The following CBLB variants were observed in gnomAD, a reference collection of about 807,000 sequenced individuals.
CBLB encodes Cbl proto-oncogene B.
A neutral mutation model predicts 104.9 loss-of-function variants in CBLB; 31 were observed. The ratio of observed to expected loss-of-function variants is 0.30; its 90% CI spans 0.22 to 0.40. The LOEUF (loss-of-function observed/expected upper bound fraction) is 0.40. Ranked by LOEUF, CBLB falls within the 10% of genes least tolerant of loss-of-function variation. The probability of loss-of-function intolerance (pLI) is 1.00; values close to 1 mark genes in which losing one functional copy is unlikely to be tolerated. For missense variants in CBLB, 1,062 were observed against 1,214.6 expected (o/e 0.87, Z 1.87); for synonymous variants, 440 against 422.6 (o/e 1.04, Z -0.51).
chr3:105,862,923 T>C (rs2092211649), intron 2 of CBLB, among the ~76,000 whole-genome samples: 1 of 152,178 alleles, frequency 6.6e-6, no homozygotes, highest in Admixed American at 6.6e-5. Context: ...TACCACGTAC[T>C]ACATCTCAGC....
At chr3:105,702,042 T>C in intron 12 of CBLB, 52 bp downstream of exon 12, 1 of 1,607,290 alleles carries the variant, frequency 6.2e-7, no homozygotes, top group South Asian at 1.1e-5. Flanking sequence ...CTACTGACCA[T>C]CAGAAGCATT....
chr3:105,733,306 G>A (rs1429829474), intron 9 of CBLB, among the ~76,000 whole-genome samples: 4 of 150,772 alleles, frequency 2.7e-5, no homozygotes, highest in South Asian at 2.1e-4. Flanking sequence ...GCTGTGTGCC[G>A]AGATCGTGCC....
At chr3:105,665,416 A>AATATATATATATATATAT (rs71111381) in intron 18 of CBLB, among the ~76,000 whole-genome samples, 3 of 98,644 alleles carry the variant, frequency 3.0e-5, no homozygotes, top group South Asian at 3.6e-4. Flanking sequence ...TAAATAAATA[A>AATATATATATATATATAT]ATATATATAT....
chr3:105,705,694 C>A (rs1010571880), intron 10 of CBLB, among the ~76,000 whole-genome samples: 1 of 152,190 alleles, frequency 6.6e-6, no homozygotes, highest in African/African-American at 2.4e-5. Flanking sequence ...CCTTAATTAC[C>A]TGACCGTGGT....
At chr3:105,785,104 G>C (rs2080816335) in intron 3 of CBLB, among the ~76,000 whole-genome samples, 1 of 152,198 alleles carries the variant, frequency 6.6e-6, no homozygotes, top group Non-Finnish European at 1.5e-5. Flanking sequence ...TAGATATTGT[G>C]TTTCAGCTCT....
In CBLB at chr3:105,702,249, T is replaced by C; in HGVS notation, c.1804A>G (p.Asn602Asp). 1 of 1,614,072 alleles carries C rather than the reference T, an allele frequency of 6.2e-7. No homozygotes were observed. Among genetic ancestry groups the C allele is most frequent in the Non-Finnish European group, 8.5e-7 (1 of 1,179,994 alleles). ...AGGAGTCGACATCCCACAAGCTGAT[T>C]AGTCCCAAACACATCCCGAGGGCAC... ...AWCPRDVFGTNQLVGCRLLGE... is the reference protein window; with the variant it reads ...AWCPRDVFGTDQLVGCRLLGE... Residue 602 changes from asparagine (N) to aspartate (D), a missense_variant, in exon 12 of 19, where the codon AAT becomes GAT. Coordinates refer to ENST00000394030, the MANE Select transcript of CBLB (RefSeq NM_170662.5).
intron 7 of CBLB, among the ~76,000 whole-genome samples, chr3:105,739,533 C>T (rs541368068): frequency 2.0e-5 from 3 of 152,252 alleles, no homozygotes; most frequent in African/African-American, 7.2e-5. Flanking sequence ...GACATATTTA[C>T]TATGAAGGGG....
chr3:105,720,431 A>T (rs2072635648), intron 9 of CBLB, among the ~76,000 whole-genome samples, 181 bp from the exon 10 acceptor site: 1 of 152,180 alleles, frequency 6.6e-6, no homozygotes, highest in Admixed American at 6.5e-5. Flanking sequence ...AAAATGTATA[A>T]TAAATGGTCA....
chr3:105,860,114 G>A (rs1290612881), intron 2 of CBLB, among the ~76,000 whole-genome samples: 3 of 152,156 alleles, frequency 2.0e-5, no homozygotes, highest in Non-Finnish European at 4.4e-5. Context: ...TTCCAAATGA[G>A]AATGGAACTT....
intron 3 of CBLB, among the ~76,000 whole-genome samples, chr3:105,778,413 T>C (rs1560198890): frequency 6.6e-6 from 1 of 152,164 alleles, no homozygotes; most frequent in Non-Finnish European, 1.5e-5. Context: ...TGACACTCTT[T>C]CTAATTTACA....
intron 9 of CBLB, among the ~76,000 whole-genome samples, chr3:105,728,892 C>T (rs1376096504): frequency 6.6e-6 from 1 of 152,140 alleles, no homozygotes; most frequent in Admixed American, 6.5e-5. Flanking sequence ...ACTACTGACA[C>T]AGCTACTGCG....
In CBLB at chr3:105,740,621, G is replaced by A. The variant is rs1395911037; in HGVS notation, c.856C>T (p.Arg286Trp). 6 of 1,613,152 alleles carry A rather than the reference G, an allele frequency of 3.7e-6. No homozygotes were observed. Among genetic ancestry groups the A allele is most frequent in the Non-Finnish European group, 5.1e-6 (6 of 1,179,432 alleles). ...YSTKPGSYIF[R>W]LSCTRLGQWA... Reference sequence around the variant, plus strand: ...TGTCCCAATCGAGTGCAACTTAACCGGAAAATATAGCTGCAAAACATAAGA... The same window carrying A: ...TGTCCCAATCGAGTGCAACTTAACCAGAAAATATAGCTGCAAAACATAAGA... Residue 286 changes from arginine (R) to tryptophan (W), a missense_variant, in exon 7 of 19, where the codon CGG becomes TGG. Arg to Trp is a moderately radical substitution (Grantham distance 101). Coordinates refer to ENST00000394030, the MANE Select transcript of CBLB (RefSeq NM_170662.5).
In CBLB at chr3:105,658,988, G is replaced by T; in HGVS notation, c.2931C>A (p.Ser977=). ...LREFAFPPPV[S]PRLNL ...CTGGCTGCTATAGATTTAGACGTGG[G>T]GATACTGGAGGAGGGAAGGCAAATT... The change falls in exon 19 of 19, where the codon TCC becomes TCA. Residue 977 remains serine (S), a synonymous_variant. Transcript: ENST00000394030. 6.2e-7 allele frequency: 1 copy of T among 1,613,814 alleles called. No homozygotes were observed. The highest frequency in any genetic ancestry group is 2.2e-5 in the East Asian group (1 of 44,856).
chr3:105,728,653 T>A (rs1559985713), intron 9 of CBLB, among the ~76,000 whole-genome samples: 1 of 152,186 alleles, frequency 6.6e-6, no homozygotes, highest in South Asian at 2.1e-4. Flanking sequence ...GTTTTATTAC[T>A]AAGGGTAGCA....
rs116034415 is a variant in CBLB, at chr3:105,659,039, G to C, written c.2880C>G (p.Val960=). 6.8e-6 allele frequency: 11 copies of C among 1,613,812 alleles called. No individual in the cohort carries two copies. In the Admixed American group the frequency reaches 1.8e-4, roughly 27 times the overall value. Residue 960 remains valine, a synonymous_variant, in exon 19 of 19, where the codon GTC becomes GTG. Coordinates refer to ENST00000394030, the MANE Select transcript of CBLB (RefSeq NM_170662.5). ...KRALEIAQNN[V]EVARSILREF... ...CTCGGAGGATGCTCCGGGCAACTTC[G>C]ACATTATTCTGGGCTATCTCTAAGG...
chr3:105,698,996 C>G (rs530297279), intron 12 of CBLB, among the ~76,000 whole-genome samples: 1 of 152,208 alleles, frequency 6.6e-6, no homozygotes, highest in Non-Finnish European at 1.5e-5. Flanking sequence ...CTCCCTCCAC[C>G]TTTTCTCTCC....
At chr3:105,819,627 A>G (rs2085545364) in intron 3 of CBLB, among the ~76,000 whole-genome samples, 1 of 152,206 alleles carries the variant, frequency 6.6e-6, no homozygotes, top group Non-Finnish European at 1.5e-5. Flanking sequence ...TCTCATTTCT[A>G]CAAATGTGAT....
At chr3:105,749,962 C>T (rs1236739406) in intron 5 of CBLB, among the ~76,000 whole-genome samples, 1 of 151,804 alleles carries the variant, frequency 6.6e-6, no homozygotes, top group Non-Finnish European at 1.5e-5. Flanking sequence ...ATTGCTTACC[C>T]TATATAGAAG....
At chr3:105,670,664 T>A in intron 17 of CBLB, 1 of 344,750 alleles carries the variant, frequency 2.9e-6, no homozygotes, top group Non-Finnish European at 5.4e-6. Context: ...TCTGTCCCAA[T>A]CCAACCTGTA....
Sources: gnomAD v4.1 joint callset for allele counts (sites outside exome capture counted in the v4.1 genomes callset) on GRCh38, gnomAD v4.1.1 for gene constraint, MANE v1.5 for transcripts, NCBI Gene and HGNC (gene_info 2026-07-23, HGNC 2026-07-21) for gene names.